ENO4: variants seen among roughly 807,000 people sequenced by gnomAD.
ENO4 encodes 2-phospho-D-glycerate hydro-lyase.
Under a neutral mutation model 63.2 loss-of-function variants are expected in ENO4, and 53 were observed. The ratio of observed to expected loss-of-function variants is 0.84; its 90% CI spans 0.67 to 1.05. ENO4 has a LOEUF of 1.05. Ranked by LOEUF, ENO4 falls within the 50% of genes least tolerant of loss-of-function variation. The pLI is 0.00. For missense variants in ENO4, 719 were observed against 772.0 expected, an observed-to-expected ratio of 0.93 and a Z score of 0.81; for synonymous variants, 266 against 283.8, an observed-to-expected ratio of 0.94 and a Z score of 0.63.
At chr10:116,894,420 T>C (rs1231354224) in intron 10 of ENO4, among the ~76,000 whole-genome samples, 1 of 152,204 alleles carries the variant, frequency 6.6e-6, no homozygotes, top group African/African-American at 2.4e-5. Flanking sequence ...GCAAACTGCC[T>C]GTCTGGCAGT....
intron 10 of ENO4, chr10:116,900,468 T>A: frequency 3.7e-6 from 5 of 1,340,898 alleles, no homozygotes; most frequent in Non-Finnish European, 5.2e-6. Context: ...GAAATGTAAT[T>A]TCCACTTACT....
chr10:116,875,997 T>C (rs1846823027), intron 10 of ENO4, 68 bp from the exon 11 acceptor site: 1 of 1,221,148 alleles, frequency 8.2e-7, no homozygotes. Context: ...GTATGTGCTA[T>C]ATTATTCCTG....
chr10:116,907,785 A>G (rs1033670385), intron 10 of ENO4: 1 of 465,380 alleles, frequency 2.1e-6, no homozygotes, highest in African/African-American at 2.0e-5. Flanking sequence ...CAAGTCTGGT[A>G]TAACTTGCCA....
chr10:116,872,206 A>C (rs964418625), intron 9 of ENO4, among the ~76,000 whole-genome samples: 3 of 152,204 alleles, frequency 2.0e-5, no homozygotes, highest in Non-Finnish European at 4.4e-5. Flanking sequence ...TCAAAACAAA[A>C]AACAAGCAAC....
chr10:116,905,099 G>C (rs1461591730), intron 10 of ENO4, among the ~76,000 whole-genome samples: 1 of 151,630 alleles, frequency 6.6e-6, no homozygotes, highest in Non-Finnish European at 1.5e-5. Context: ...TACTGGGGAG[G>C]CTGAGGCAGG....
At position 116,871,380 on chromosome 10, in the gene ENO4, T is replaced by C. The variant is rs1469040377; in HGVS notation, c.1215+88T>C. ...AGAAAAAAAAGAGCTTATCTGAATATTGTCCAAACAGATCTTATTGTTTTT... is the reference window on the plus strand; with the variant it reads ...AGAAAAAAAAGAGCTTATCTGAATACTGTCCAAACAGATCTTATTGTTTTT... On this transcript the variant is annotated intron_variant, in intron 9 of 13. Coordinates refer to ENST00000341276, the MANE Select transcript of ENO4 (RefSeq NM_001242699.2). 4 of 1,174,248 alleles carry C rather than the reference T, an allele frequency of 3.4e-6. No individual in the cohort carries two copies. The African/African-American group carries it at 4.6e-5, about 14-fold the overall frequency. The allele number at this position is 1,174,248 out of a possible 1,614,324, so 72.7% of individuals were successfully genotyped here. A position where few individuals can be genotyped will look rare whatever the true frequency, so the allele number is the denominator to read the frequency against.
At chr10:116,863,356 T>TCACACACACACA (rs10646641) in intron 7 of ENO4, among the ~76,000 whole-genome samples, 2,354 of 147,380 alleles carry the variant, frequency 0.016, 37 homozygotes, top group Admixed American at 0.036. Context: ...CTGTGGGGCT[T>TCACACACACACA]CACACACACA....
At chr10:116,900,545 G>C in intron 10 of ENO4, 16 of 1,534,412 alleles carry the variant, frequency 1.0e-5, no homozygotes, top group Non-Finnish European at 1.4e-5. Flanking sequence ...GATTATCTGT[G>C]TAAAATGGTA....
intron 9 of ENO4, among the ~76,000 whole-genome samples, chr10:116,873,399 G>C (rs1359024810): frequency 1.3e-5 from 2 of 151,998 alleles, no homozygotes; most frequent in African/African-American, 2.4e-5. Context: ...TAAAAGGAAG[G>C]GTGCTTTGTT....
chr10:116,859,522 A>G (rs1846353001), intron 4 of ENO4, among the ~76,000 whole-genome samples: 1 of 152,120 alleles, frequency 6.6e-6, no homozygotes. Flanking sequence ...AACAACCAAC[A>G]TTTTCTCAAT....
At chr10:116,873,572 T>C (rs1385278340) in intron 9 of ENO4, among the ~76,000 whole-genome samples, 1 of 152,162 alleles carries the variant, frequency 6.6e-6, no homozygotes. Context: ...ATGCCTCAAA[T>C]AAATCACATT....
In ENO4 at chr10:116,851,041, C is replaced by T. The variant is rs751234210; in HGVS notation, c.165+1310C>T. 2.0e-5 allele frequency among the ~76,000 whole-genome samples: 3 copies of T among 152,300 alleles called. No individual in the cohort carries two copies. The South Asian group carries it at 6.2e-4, about 32-fold the overall frequency. The stretch of plus-strand genomic sequence containing the variant: ...AATTCTTGAACACAATCTATTCTAA[C>T]GTCCTCATTTTACAGGGACACCAAG... On this transcript the variant is annotated intron_variant, in intron 1 of 13. Coordinates refer to ENST00000341276, the MANE Select transcript of ENO4 (RefSeq NM_001242699.2).
chr10:116,905,251 T>C (rs1318768789), intron 10 of ENO4, among the ~76,000 whole-genome samples: 3 of 151,028 alleles, frequency 2.0e-5, no homozygotes, highest in African/African-American at 7.3e-5. Context: ...ACATGAGCAC[T>C]TTAAGGCTGA....
intron 10 of ENO4, among the ~76,000 whole-genome samples, chr10:116,907,749 CTT>C (rs1848029594): frequency 6.6e-6 from 1 of 152,178 alleles, no homozygotes; most frequent in Non-Finnish European, 1.5e-5. Flanking sequence ...CATACATAAT[CTT>C]TTGATCAGAG....
intron 10 of ENO4, among the ~76,000 whole-genome samples, chr10:116,909,651 AAT>A (rs1311819170): frequency 6.6e-6 from 1 of 152,222 alleles, no homozygotes; most frequent in Non-Finnish European, 1.5e-5. Context: ...GAGGTCAGTC[AAT>A]ACTGAGACAT....
intron 10 of ENO4, among the ~76,000 whole-genome samples, chr10:116,904,149 A>G (rs1490706142): frequency 6.6e-6 from 1 of 152,172 alleles, no homozygotes; most frequent in Non-Finnish European, 1.5e-5. Flanking sequence ...TACTTTCCCA[A>G]AAGCCTTTCT....
At position 116,855,735 on chromosome 10, in the gene ENO4, T is replaced by G. The variant is rs1479745286; in HGVS notation, c.278T>G (p.Ile93Ser). 2 of 1,535,046 alleles carry G rather than the reference T, an allele frequency of 1.3e-6. No individual in the cohort carries two copies. Among genetic ancestry groups the G allele is most frequent in the Non-Finnish European group, 1.7e-6 (2 of 1,145,862 alleles). The change falls in exon 2 of 14, where the codon ATT becomes AGT. Residue 93 changes from isoleucine to serine, a missense_variant. This residue lies in a region of ENO4 where 544 missense variants were observed against 583.6 expected (regional missense o/e 0.93). Transcript: ENST00000341276. ...CTGCAAGTGGACATATTCTGCACCA[T>G]TCAAAACTTTCCCAAGGTATGAGGC... Reference protein sequence around the residue: ...PTLQVDIFCTIQNFPKNVCSV... With the variant: ...PTLQVDIFCTSQNFPKNVCSV...
intron 7 of ENO4, among the ~76,000 whole-genome samples, chr10:116,864,751 G>A (rs1846508058): frequency 6.6e-6 from 1 of 152,164 alleles, no homozygotes; most frequent in Admixed American, 6.5e-5. Flanking sequence ...CAGGCGCAGT[G>A]GCTCACACCT....
In ENO4 at chr10:116,856,661, C is replaced by A; in HGVS notation, c.464C>A (p.Ala155Glu). ...ELQGMAPSDQ[A>E]EVDHLLRIFF... Reference sequence around the variant, plus strand: ...CAGGGGATGGCACCCTCTGACCAGGCAGAGGTGGATCACCTACTCAGGTAC... The same window carrying A: ...CAGGGGATGGCACCCTCTGACCAGGAAGAGGTGGATCACCTACTCAGGTAC... The change falls in exon 3 of 14, where the codon GCA (alanine) becomes GAA (glutamate). Residue 155 changes from alanine (A) to glutamate (E), a missense_variant. Ala to Glu is a moderately radical substitution (Grantham distance 107, BLOSUM62 -1). This residue lies in a region of ENO4 where 544 missense variants were observed against 583.6 expected (regional missense o/e 0.93). Transcript: ENST00000341276. 7 of 1,531,918 alleles carry A rather than the reference C, an allele frequency of 4.6e-6. No individual in the cohort carries two copies. The highest frequency in any genetic ancestry group is 2.0e-5 in the Admixed American group (1 of 49,922). The allele number at this position is 1,531,918 out of a possible 1,614,324, so 94.9% of individuals were successfully genotyped here.
Sources: gnomAD v4.1 joint callset for allele counts (sites outside exome capture counted in the v4.1 genomes callset) on GRCh38, gnomAD v4.1.1 for gene constraint, gnomAD v4.1.1 regional missense constraint, MANE v1.5 for transcripts, NCBI Gene and HGNC (gene_info 2026-07-23, HGNC 2026-07-21) for gene names.